The following PTPRD variants were observed in gnomAD, a reference collection of about 807,000 sequenced individuals.
PTPRD encodes protein tyrosine phosphatase receptor type D.
In PTPRD, 34 loss-of-function variants were observed where a neutral mutation model predicts 214.5. The ratio of observed to expected loss-of-function variants is 0.16; its 90% CI spans 0.12 to 0.21. The LOEUF is 0.21. Among genes scored for constraint, PTPRD ranks in the 10% least tolerant of loss-of-function variants. The probability of loss-of-function intolerance (pLI) is 1.00; values close to 1 mark genes in which losing one functional copy is unlikely to be tolerated. For missense variants in PTPRD, 2,545 were observed against 2,398.7 expected (o/e 1.06, Z -1.27); for synonymous variants, 1,128 against 845.7 (o/e 1.33, Z -5.79).
At chr9:9,841,900 T>A (rs549275877) in intron 5 of PTPRD, among the ~76,000 whole-genome samples, 14 of 152,268 alleles carry the variant, frequency 9.2e-5, no homozygotes, top group African/African-American at 3.1e-4. Flanking sequence ...TTCTTAGAAT[T>A]GTTAGTTCCT....
intron 5 of PTPRD, among the ~76,000 whole-genome samples, chr9:9,889,733 G>T (rs970348542): frequency 1.3e-5 from 2 of 152,034 alleles, no homozygotes; most frequent in Admixed American, 1.3e-4. Flanking sequence ...GTCACAGCAG[G>T]ATAGAGGTCC....
chr9:10,240,267 GC>G (rs2154362152), intron 3 of PTPRD, among the ~76,000 whole-genome samples: 1 of 152,000 alleles, frequency 6.6e-6, no homozygotes, highest in South Asian at 2.1e-4. Context: ...AGGCTCCCAT[GC>G]TATGTAAAAC....
At chr9:8,784,148 G>C (rs1001536252) in intron 11 of PTPRD, among the ~76,000 whole-genome samples, 2 of 152,140 alleles carry the variant, frequency 1.3e-5, no homozygotes, top group African/African-American at 4.8e-5. Context: ...ACGGTGTTGT[G>C]CTCCATAAAA....
intron 11 of PTPRD, among the ~76,000 whole-genome samples, chr9:8,801,551 T>C (rs2096570989): frequency 6.6e-6 from 1 of 152,106 alleles, no homozygotes; most frequent in South Asian, 2.1e-4. Context: ...ACCCCGTCTC[T>C]ACTAAAAATA....
chr9:10,396,285 T>A (rs1284935312), intron 2 of PTPRD, among the ~76,000 whole-genome samples: 6 of 152,078 alleles, frequency 3.9e-5, no homozygotes, highest in Admixed American at 6.6e-5. Context: ...TTCCCTGAAA[T>A]CTTCTGATCA....
intron 14 of PTPRD, among the ~76,000 whole-genome samples, chr9:8,539,216 T>C (rs1038593617): frequency 2.0e-5 from 3 of 152,000 alleles, no homozygotes; most frequent in African/African-American, 7.2e-5. Flanking sequence ...ATAGTATCTT[T>C]ACATAGTATC....
intron 14 of PTPRD, among the ~76,000 whole-genome samples, chr9:8,544,027 G>A (rs2079174268): frequency 6.6e-6 from 1 of 151,798 alleles, no homozygotes; most frequent in African/African-American, 2.4e-5. Flanking sequence ...TTTAAATTTA[G>A]TTTTATTTTC....
intron 9 of PTPRD, among the ~76,000 whole-genome samples, chr9:9,226,473 G>C (rs1173535476): frequency 6.6e-6 from 1 of 151,894 alleles, no homozygotes; most frequent in Admixed American, 6.6e-5. Flanking sequence ...CTCAGCCCAG[G>C]GAATTTAGTG....
In PTPRD at chr9:8,353,840, GTATATA is replaced by G. The variant is rs1295863720; in HGVS notation, c.4662-11868_4662-11863del. On this transcript the variant is annotated intron_variant, in intron 39 of 45. Coordinates refer to ENST00000381196, the MANE Select transcript of PTPRD (RefSeq NM_002839.4). ...AAAATATATGTATATATGTATATAT[GTATATA>G]TGTATATATGTGTATATATGTATAT... Among the ~76,000 whole-genome samples, 37 of 51,380 alleles carry G rather than the reference GTATATA, an allele frequency of 7.2e-4. 1 individual carries two copies. Among genetic ancestry groups the G allele is most frequent in the African/African-American group, 8.4e-4 (25 of 29,896 alleles). The allele number at this position is 51,380 out of a possible 152,430, so 33.7% of individuals were successfully genotyped here. A position where few individuals can be genotyped will look rare whatever the true frequency, so the allele number is the denominator to read the frequency against.
At chr9:10,472,248 CCT>C (rs1266743841) in intron 2 of PTPRD, among the ~76,000 whole-genome samples, 2 of 152,022 alleles carry the variant, frequency 1.3e-5, no homozygotes, top group Non-Finnish European at 2.9e-5. Context: ...GCATAATGAA[CCT>C]CTTTTTCAAG....
At chr9:10,090,367 G>A (rs927959028) in intron 3 of PTPRD, among the ~76,000 whole-genome samples, 4 of 151,360 alleles carry the variant, frequency 2.6e-5, no homozygotes, top group African/African-American at 9.7e-5. Flanking sequence ...TCAAAATATA[G>A]AATTATAATT....
intron 2 of PTPRD, among the ~76,000 whole-genome samples, chr9:10,502,609 T>A (rs1040876129): frequency 2.0e-5 from 3 of 152,040 alleles, no homozygotes; most frequent in African/African-American, 7.2e-5. Flanking sequence ...AGAGTACCTA[T>A]CAAATTCAAA....
intron 3 of PTPRD, among the ~76,000 whole-genome samples, chr9:10,154,992 G>T (rs1297859015): frequency 6.6e-6 from 1 of 151,910 alleles, no homozygotes; most frequent in East Asian, 1.9e-4. Flanking sequence ...GTACATAATT[G>T]GTAGTTTCAT....
chr9:9,699,304 T>C (rs1157390567), intron 7 of PTPRD, among the ~76,000 whole-genome samples: 2 of 152,182 alleles, frequency 1.3e-5, no homozygotes, highest in Admixed American at 6.5e-5. Flanking sequence ...AAGATCTAAA[T>C]AATTTCCTTT....
rs1190015144 is a variant in PTPRD at position 10,458,994 on chromosome 9, C to T, written c.-599-117977G>A. 3.9e-5 allele frequency among the ~76,000 whole-genome samples: 6 copies of T among 152,094 alleles called. No individual in the cohort carries two copies. In the East Asian group the frequency reaches 9.7e-4, roughly 24 times the overall value. On this transcript the variant is annotated intron_variant, in intron 2 of 45. Coordinates refer to ENST00000381196, the MANE Select transcript of PTPRD (RefSeq NM_002839.4). ...ACACACGTTCCGTGGTGGTTTGCTG[C>T]ACCTATCAACCCGTCATCTACATTA...
At chr9:9,083,181 A>G (rs907741528) in intron 10 of PTPRD, among the ~76,000 whole-genome samples, 4 of 152,200 alleles carry the variant, frequency 2.6e-5, no homozygotes, top group African/African-American at 9.6e-5. Flanking sequence ...CCAAAACAGC[A>G]TGATACTGGT....
intron 8 of PTPRD, among the ~76,000 whole-genome samples, chr9:9,541,332 A>G (rs1180764194): frequency 1.3e-5 from 2 of 151,782 alleles, no homozygotes; most frequent in African/African-American, 2.4e-5. Context: ...GAGAGGTCAT[A>G]TGGAGGCGCT....
chr9:9,779,189 T>C (rs76588836), intron 5 of PTPRD, among the ~76,000 whole-genome samples: 146 of 146,980 alleles, frequency 9.9e-4, no homozygotes, highest in African/African-American at 3.1e-3. Flanking sequence ...CCTTTCACCA[T>C]ATACAAAAAT....
intron 39 of PTPRD, among the ~76,000 whole-genome samples, chr9:8,348,048 A>G (rs2074368447): frequency 6.6e-6 from 1 of 152,204 alleles, no homozygotes; most frequent in South Asian, 2.1e-4. Context: ...GATATCCTAA[A>G]AAAAAGTGCT....
Sources: allele counts gnomAD v4.1 joint callset (sites outside exome capture counted in the v4.1 genomes callset), GRCh38; gene constraint gnomAD v4.1.1; transcripts MANE v1.5; gene names NCBI Gene and HGNC (gene_info 2026-07-23, HGNC 2026-07-21).